The following TMEFF2 variants were observed in gnomAD, a reference collection of about 807,000 sequenced individuals.
The protein encoded by TMEFF2 is transmembrane protein with EGF like and two follistatin like domains 2.
Under a neutral mutation model 53.8 loss-of-function variants are expected in TMEFF2, and 28 were observed. The ratio of observed to expected loss-of-function variants is 0.52; its 90% CI spans 0.39 to 0.71. The LOEUF is 0.71. Among genes scored for constraint, TMEFF2 ranks in the 30% least tolerant of loss-of-function variants. The pLI, the probability that TMEFF2 is intolerant of heterozygous loss-of-function variation, is 0.00. For missense variants in TMEFF2, 353 were observed against 455.2 expected (o/e 0.78, Z 2.04); for synonymous variants, 162 against 166.3 (o/e 0.97, Z 0.20).
intron 4 of TMEFF2, among the ~76,000 whole-genome samples, chr2:192,097,896 GTAT>G (rs1465311056): frequency 1.3e-5 from 2 of 152,280 alleles, no homozygotes; most frequent in East Asian, 1.9e-4. Flanking sequence ...CTTGGCCAAA[GTAT>G]TATTAAGTGA....
chr2:192,053,071 A>C (rs979261638), intron 5 of TMEFF2, among the ~76,000 whole-genome samples: 1 of 152,202 alleles, frequency 6.6e-6, no homozygotes, highest in African/African-American at 2.4e-5. Context: ...GCAAGAGAAA[A>C]ACCTTGAAAT....
intron 4 of TMEFF2, among the ~76,000 whole-genome samples, chr2:192,063,728 G>A (rs1688103551): frequency 6.6e-6 from 1 of 151,764 alleles, no homozygotes. Context: ...ATACTTGGGA[G>A]CTTTGTATTG....
intron 5 of TMEFF2, among the ~76,000 whole-genome samples, chr2:192,055,012 A>T (rs1431532899): frequency 6.6e-6 from 1 of 152,194 alleles, no homozygotes; most frequent in Admixed American, 6.5e-5. Context: ...CTTAAAGAAT[A>T]ATCATTAAAA....
At chr2:192,003,928 T>TGTGTGG (rs757169033) in intron 5 of TMEFF2, among the ~76,000 whole-genome samples, 2 of 119,218 alleles carry the variant, frequency 1.7e-5, no homozygotes, top group African/African-American at 3.2e-5. Context: ...TGTGTGTGTG[T>TGTGTGG]GGGGGGGGGG....
chr2:191,999,657 G>A (rs1199601424), intron 5 of TMEFF2, among the ~76,000 whole-genome samples: 1 of 151,930 alleles, frequency 6.6e-6, no homozygotes, highest in East Asian at 1.9e-4. Context: ...AAGCAAACAA[G>A]TAAATTATTT....
intron 5 of TMEFF2, among the ~76,000 whole-genome samples, chr2:192,012,757 C>T (rs1265847168): frequency 2.0e-5 from 3 of 151,912 alleles, no homozygotes; most frequent in African/African-American, 7.3e-5. Context: ...AACTTTGTAT[C>T]ATACTCATAG....
chr2:192,083,638 C>G (rs1240959390), intron 4 of TMEFF2, among the ~76,000 whole-genome samples: 1 of 151,314 alleles, frequency 6.6e-6, no homozygotes, highest in African/African-American at 2.4e-5. Context: ...ATAGCGGTTA[C>G]CATATGTAGT....
chr2:192,105,588 G>A (rs1178063997), intron 4 of TMEFF2, among the ~76,000 whole-genome samples: 1 of 151,842 alleles, frequency 6.6e-6, no homozygotes, highest in Non-Finnish European at 1.5e-5. Flanking sequence ...TAAGTGGCAG[G>A]AAACACTTTG....
chr2:191,992,828 C>T (rs1204435066), intron 7 of TMEFF2: 3 of 151,974 alleles, frequency 2.0e-5, no homozygotes, highest in African/African-American at 7.2e-5. Flanking sequence ...ATTTGAGTAA[C>T]TCTTTTGAGC....
In TMEFF2 at chr2:191,994,432, G is replaced by A. The variant is rs1163456682; in HGVS notation, c.745+3830C>T. ...GTACATTTTTACTGGAAAAAATATA[G>A]CCTTTTTTTTTTTGAAGCATGACCA... On this transcript the variant is annotated intron_variant, in intron 7 of 9. Coordinates refer to ENST00000272771, the MANE Select transcript of TMEFF2 (RefSeq NM_016192.4). 1.7e-4 allele frequency among the ~76,000 whole-genome samples: 26 copies of A among 148,796 alleles called. 1 individual carries two copies. The highest frequency in any genetic ancestry group is 1.5e-5 in the Non-Finnish European group (1 of 67,340).
chr2:192,173,196 A>AT (rs1445736338), intron 4 of TMEFF2, among the ~76,000 whole-genome samples: 1 of 151,852 alleles, frequency 6.6e-6, no homozygotes, highest in Non-Finnish European at 1.5e-5. Flanking sequence ...GGATACCCCA[A>AT]TTACCCTGAT....
intron 4 of TMEFF2, among the ~76,000 whole-genome samples, chr2:192,143,078 A>G (rs1186012554): frequency 6.6e-6 from 1 of 152,198 alleles, no homozygotes; most frequent in African/African-American, 2.4e-5. Context: ...ATTCAAATTC[A>G]TGCAGGACAA....
chr2:192,123,261 T>C (rs1689600687), intron 4 of TMEFF2, among the ~76,000 whole-genome samples: 1 of 152,206 alleles, frequency 6.6e-6, no homozygotes, highest in South Asian at 2.1e-4. Context: ...TTTTCACATT[T>C]AGTTATCTTG....
intron 4 of TMEFF2, among the ~76,000 whole-genome samples, chr2:192,130,353 T>G (rs1689786742): frequency 6.6e-6 from 1 of 152,156 alleles, no homozygotes; most frequent in South Asian, 2.1e-4. Flanking sequence ...GATGAAAATT[T>G]TAGAGTTTTC....
intron 7 of TMEFF2, among the ~76,000 whole-genome samples, chr2:191,970,735 A>G (rs542607422): frequency 3.9e-5 from 6 of 152,158 alleles, no homozygotes; most frequent in South Asian, 4.1e-4. Flanking sequence ...CCATTTACCA[A>G]TCAAACTCAT....
intron 4 of TMEFF2, among the ~76,000 whole-genome samples, chr2:192,090,259 C>T (rs556854531): frequency 3.9e-5 from 6 of 152,102 alleles, no homozygotes; most frequent in Non-Finnish European, 8.8e-5. Flanking sequence ...CATGTATTGG[C>T]TCAACAACTG....
chr2:191,963,015 A>G (rs756028460), intron 7 of TMEFF2, among the ~76,000 whole-genome samples: 11 of 152,124 alleles, frequency 7.2e-5, no homozygotes, highest in Non-Finnish European at 1.5e-4. Flanking sequence ...ATTTAATGGA[A>G]CTTTAGAAGT....
intron 4 of TMEFF2, among the ~76,000 whole-genome samples, chr2:192,106,883 T>G (rs1200668159): frequency 6.6e-6 from 1 of 151,736 alleles, no homozygotes; most frequent in African/African-American, 2.4e-5. Flanking sequence ...CGGAGAGAAG[T>G]TTACTGGAAA....
chr2:192,088,335 T>C (rs1010523962), intron 4 of TMEFF2, among the ~76,000 whole-genome samples: 4 of 152,130 alleles, frequency 2.6e-5, no homozygotes, highest in Non-Finnish European at 4.4e-5. Flanking sequence ...ACTATTTACA[T>C]GGACTATTAA....
Sources: allele counts gnomAD v4.1 joint callset (sites outside exome capture counted in the v4.1 genomes callset), GRCh38; gene constraint gnomAD v4.1.1; transcripts MANE v1.5; gene names NCBI Gene and HGNC (gene_info 2026-07-23, HGNC 2026-07-21).